PTPRE: variants seen among roughly 807,000 people sequenced by gnomAD.
PTPRE encodes the protein protein tyrosine phosphatase receptor type E.
PTPRE carries 51 observed loss-of-function variants against 102.0 expected under a neutral mutation model. The ratio of observed to expected loss-of-function variants is 0.50; its 90% CI spans 0.40 to 0.63. PTPRE has a LOEUF of 0.63. PTPRE is among the 30% of genes least tolerant of loss of function. PTPRE has a pLI of 0.00. For missense variants in PTPRE, 752 were observed against 915.1 expected (o/e 0.82, Z 2.30); for synonymous variants, 345 against 348.2 (o/e 0.99, Z 0.10).
intron 2 of PTPRE, among the ~76,000 whole-genome samples, chr10:127,994,502 C>T (rs1853049718): frequency 6.6e-6 from 1 of 152,222 alleles, no homozygotes. Context: ...TCCCCTTGCA[C>T]AAGTGCTGGC....
chr10:128,063,092 A>C lies in PTPRE; in HGVS notation c.635A>C (p.Gln212Pro). The C allele has an allele frequency of 6.2e-7, 1 of 1,614,232 alleles. No individual in the cohort carries two copies. The highest frequency in any genetic ancestry group is 8.5e-7 in the Non-Finnish European group (1 of 1,180,028). Residue 212 changes from glutamine (Q) to proline (P), a missense_variant, in exon 10 of 21, where the codon CAG becomes CCG. Physicochemically the swap from Gln to Pro is moderately conservative, Grantham distance 76 (BLOSUM62 -1). This residue lies in a region of PTPRE where 636 missense variants were observed against 824.4 expected (regional missense o/e 0.77). Coordinates refer to ENST00000254667, the MANE Select transcript of PTPRE (RefSeq NM_006504.6). ...NKFIAAQGPKQETVNDFWRMV... is the reference protein window; with the variant it reads ...NKFIAAQGPKPETVNDFWRMV... ...TGTCCTCTACACACAGGTCCCAAACAGGAAACGGTTAACGACTTCTGGAGA... is the reference window on the plus strand; with the variant it reads ...TGTCCTCTACACACAGGTCCCAAACCGGAAACGGTTAACGACTTCTGGAGA...
At chr10:128,032,487 C>T (rs1311576529) in intron 2 of PTPRE, among the ~76,000 whole-genome samples, 1 of 152,200 alleles carries the variant, frequency 6.6e-6, no homozygotes, top group Non-Finnish European at 1.5e-5. Context: ...AAGATGACAG[C>T]CACCGTCTTC....
At chr10:127,946,624 A>G (rs1244729986) in intron 1 of PTPRE, among the ~76,000 whole-genome samples, 1 of 152,262 alleles carries the variant, frequency 6.6e-6, no homozygotes. Flanking sequence ...ACACTTGCTC[A>G]TCTGTAATTG....
intron 2 of PTPRE, among the ~76,000 whole-genome samples, chr10:128,031,460 C>T (rs768154773): frequency 6.6e-6 from 1 of 152,240 alleles, no homozygotes; most frequent in African/African-American, 2.4e-5. Flanking sequence ...CCATTACTGC[C>T]GAGCCCCAAG....
intron 2 of PTPRE, among the ~76,000 whole-genome samples, chr10:127,996,948 G>A (rs987400620): frequency 1.3e-5 from 2 of 151,924 alleles, no homozygotes; most frequent in African/African-American, 4.8e-5. Flanking sequence ...CTCAAACCAG[G>A]CCAATCTTAC....
chr10:127,948,129 C>T (rs1014325130), intron 1 of PTPRE, among the ~76,000 whole-genome samples: 4 of 152,104 alleles, frequency 2.6e-5, no homozygotes, highest in Non-Finnish European at 4.4e-5. Context: ...ACTCCGTTGG[C>T]CCCCAGGAGA....
intron 2 of PTPRE, among the ~76,000 whole-genome samples, chr10:128,009,398 T>A (rs1327724376): frequency 6.6e-6 from 1 of 152,216 alleles, no homozygotes; most frequent in African/African-American, 2.4e-5. Flanking sequence ...GATGTTTTCT[T>A]GTGTTCGTGA....
At chr10:127,936,710 G>A (rs542466752) in intron 1 of PTPRE, among the ~76,000 whole-genome samples, 28 of 152,270 alleles carry the variant, frequency 1.8e-4, no homozygotes, top group Admixed American at 6.5e-4. Flanking sequence ...CCGTGGGGCT[G>A]AGAGGTGTCA....
intron 2 of PTPRE, among the ~76,000 whole-genome samples, chr10:128,013,510 A>C (rs567808150): frequency 1.3e-5 from 2 of 152,178 alleles, no homozygotes; most frequent in East Asian, 3.9e-4. Context: ...AAACGGTCAC[A>C]TGGTAGACAG....
At chr10:127,963,527 G>C (rs764668956) in intron 1 of PTPRE, among the ~76,000 whole-genome samples, 5 of 152,194 alleles carry the variant, frequency 3.3e-5, no homozygotes, top group Non-Finnish European at 7.4e-5. Flanking sequence ...CTTTGTCTTT[G>C]ATAAATAACA....
chr10:128,050,066 C>T (rs1425954961), intron 6 of PTPRE, among the ~76,000 whole-genome samples: 1 of 151,698 alleles, frequency 6.6e-6, no homozygotes, highest in African/African-American at 2.4e-5. Flanking sequence ...AGCTGGAGCA[C>T]CTAATCAGAG....
chr10:128,050,046 G>C (rs1325343958), intron 6 of PTPRE, among the ~76,000 whole-genome samples: 1 of 152,116 alleles, frequency 6.6e-6, no homozygotes, highest in East Asian at 1.9e-4. Context: ...ATCCTTTCAT[G>C]GCTTCTGAGA....
chr10:128,069,530 A>G, intron 12 of PTPRE, 162 bp from the exon 13 acceptor site: 1 of 905,080 alleles, frequency 1.1e-6, no homozygotes, highest in East Asian at 2.5e-5. Context: ...CTTTACTGAG[A>G]CCACAGCTCC....
chr10:128,009,216 C>T (rs1844770070), intron 2 of PTPRE, among the ~76,000 whole-genome samples: 1 of 152,210 alleles, frequency 6.6e-6, no homozygotes, highest in African/African-American at 2.4e-5. Flanking sequence ...AAATTTCCGT[C>T]TCCTGCTCAG....
intron 1 of PTPRE, among the ~76,000 whole-genome samples, chr10:127,916,512 C>T (rs562929015): frequency 7.2e-5 from 11 of 152,282 alleles, no homozygotes; most frequent in African/African-American, 2.6e-4. Flanking sequence ...TTAGGCAGTT[C>T]TTTATAGCAG....
chr10:128,082,642 T>G (rs969834186), intron 20 of PTPRE, among the ~76,000 whole-genome samples, 190 bp from the exon 21 acceptor site: 1 of 152,214 alleles, frequency 6.6e-6, no homozygotes, highest in Non-Finnish European at 1.5e-5. Flanking sequence ...ACTGACACAT[T>G]CTACGTAGAA....
At chr10:128,017,965 G>T (rs555026716) in intron 2 of PTPRE, among the ~76,000 whole-genome samples, 196 of 152,340 alleles carry the variant, frequency 1.3e-3, no homozygotes, top group African/African-American at 4.6e-3. Context: ...ACAGGGACAG[G>T]TGAGGGATAA....
intron 2 of PTPRE, chr10:128,000,069 A>G (rs1402774002): frequency 1.2e-5 from 8 of 689,616 alleles, no homozygotes; most frequent in Non-Finnish European, 1.4e-5. Context: ...ATGAGTCTTT[A>G]ACTTAGTATT....
intron 2 of PTPRE, among the ~76,000 whole-genome samples, chr10:128,034,634 C>T (rs1300544597): frequency 6.6e-6 from 1 of 152,136 alleles, no homozygotes; most frequent in Non-Finnish European, 1.5e-5. Flanking sequence ...GAGGTTGAAA[C>T]TGCAGTGAGC....
Sources: allele counts gnomAD v4.1 joint callset (sites outside exome capture counted in the v4.1 genomes callset), GRCh38; gene constraint gnomAD v4.1.1; regional missense constraint gnomAD v4.1.1; transcripts MANE v1.5; gene names NCBI Gene and HGNC (gene_info 2026-07-23, HGNC 2026-07-21).